Variants in SPTA1 observed in about 807,000 individuals in gnomAD.
SPTA1 encodes spectrin alpha chain, erythrocytic 1.
Under a neutral mutation model 324.7 loss-of-function variants are expected in SPTA1, and 177 were observed. The ratio of observed to expected loss-of-function variants is 0.55; its 90% CI spans 0.48 to 0.62. The LOEUF (loss-of-function observed/expected upper bound fraction) is 0.62, where lower values mean the gene tolerates loss of function less well. Ranked by LOEUF, SPTA1 falls within the 20% of genes least tolerant of loss-of-function variation. The probability of loss-of-function intolerance (pLI) is 0.00; values close to 1 mark genes in which losing one functional copy is unlikely to be tolerated. For synonymous variants in SPTA1, 1,195 were observed against 1,041.3 expected (o/e 1.15, Z -2.84); for missense variants, 3,162 against 2,883.6 (o/e 1.10, Z -2.21).
At chr1:158,632,939 C>T (rs964430040) in intron 39 of SPTA1, among the ~76,000 whole-genome samples, 2 of 152,176 alleles carry the variant, frequency 1.3e-5, no homozygotes, top group Non-Finnish European at 2.9e-5. Context: ...CTCCCCTCAA[C>T]AGGTGAGTGG....
Position 158,617,897 on chromosome 1 carries a change from G to A in SPTA1, c.6548+142C>T, listed in dbSNP as rs1049595911. 9.7e-6 allele frequency: 8 copies of A among 827,870 alleles called. No individual in the cohort carries two copies. In the Admixed American group the frequency reaches 1.7e-4, roughly 17 times the overall value. The allele number at this position is 827,870 out of a possible 1,614,324, so 51.3% of individuals were successfully genotyped here. On this transcript the variant is annotated intron_variant, in intron 46 of 51. Coordinates refer to ENST00000643759, the MANE Select transcript of SPTA1 (RefSeq NM_003126.4). The stretch of plus-strand genomic sequence containing the variant: ...ATAAGGGCAGAATGAAATATAATGA[G>A]CTTTTCCTTCTCACTCCACATTTTT...
At position 158,645,387 on chromosome 1, in the gene SPTA1, T is replaced by A. The variant is rs780402698; in HGVS notation, c.3997-2A>T. 1 of 1,613,922 alleles carries A rather than the reference T, an allele frequency of 6.2e-7. No homozygotes were observed. The highest frequency in any genetic ancestry group is 1.7e-5 in the Admixed American group (1 of 59,962). ...TGCCTCCATGTCAGCACGGTGCTCC[T>A]GTGGGAAAAAGGGGGAAGAAATCAG... On this transcript the variant is annotated splice_acceptor_variant, in intron 28 of 51. Coordinates refer to ENST00000643759, the MANE Select transcript of SPTA1 (RefSeq NM_003126.4). LOFTEE classifies it high-confidence loss of function.
At chr1:158,679,540 G>T (rs1654642769) in intron 5 of SPTA1, among the ~76,000 whole-genome samples, 1 of 152,042 alleles carries the variant, frequency 6.6e-6, no homozygotes, top group African/African-American at 2.4e-5. Flanking sequence ...ATGGTCTACT[G>T]CATGATGAGA....
intron 5 of SPTA1, 128 bp downstream of exon 5, chr1:158,680,455 C>G (rs928140220): frequency 1.5e-6 from 2 of 1,352,686 alleles, no homozygotes; most frequent in Non-Finnish European, 2.1e-6. Flanking sequence ...ATATGTTACT[C>G]CAGGAACATG....
rs529657919 is a variant in SPTA1, at chr1:158,627,020, G to C, written c.5665-13C>G. 1 of 1,613,474 alleles carries C rather than the reference G, an allele frequency of 6.2e-7. No homozygotes were observed. The highest frequency in any genetic ancestry group is 1.1e-5 in the South Asian group (1 of 91,064). On this transcript the variant is annotated splice_polypyrimidine_tract_variant and intron_variant, in intron 40 of 51. Coordinates refer to ENST00000643759, the MANE Select transcript of SPTA1 (RefSeq NM_003126.4). ...CCTCCTGCAACACCTGTGAGAAGGGGAGAGACAAATATATTTATAATGTGC... is the reference window on the plus strand; with the variant it reads ...CCTCCTGCAACACCTGTGAGAAGGGCAGAGACAAATATATTTATAATGTGC...
chr1:158,621,951 A>G (rs765419411), intron 43 of SPTA1, among the ~76,000 whole-genome samples: 12 of 152,122 alleles, frequency 7.9e-5, no homozygotes, highest in Non-Finnish European at 1.6e-4. Context: ...TGCAAGCTCC[A>G]TCTCCCGGGA....
intron 15 of SPTA1, 72 bp from the exon 16 acceptor site, chr1:158,666,569 T>C: frequency 9.1e-6 from 12 of 1,316,352 alleles, no homozygotes; most frequent in Non-Finnish European, 1.3e-5. Flanking sequence ...TATACCTTCC[T>C]CCAATTGAAG....
intron 18 of SPTA1, among the ~76,000 whole-genome samples, chr1:158,659,800 C>T (rs1444925961): frequency 1.3e-5 from 1 of 77,768 alleles, no homozygotes; most frequent in Non-Finnish European, 2.2e-5. Flanking sequence ...TTAGTAGAGA[C>T]GGGGTTTCAC....
Position 158,666,223 on chromosome 1 carries a change from T to C in SPTA1, c.2220+93A>G, listed in dbSNP as rs184841353. On this transcript the variant is annotated intron_variant, in intron 16 of 51. Transcript: ENST00000643759. The stretch of plus-strand genomic sequence containing the variant: ...TTGCTTATTATTACTTATTAAGTAA[T>C]TAATAAGTAATAATTACTTATTACT... 5.3e-4 allele frequency: 679 copies of C among 1,275,334 alleles called. 7 individuals are homozygous for C. Among genetic ancestry groups the C allele is most frequent in the Non-Finnish European group, 2.6e-5 (23 of 899,946 alleles). The allele number at this position is 1,275,334 out of a possible 1,614,324, so 79.0% of individuals were successfully genotyped here.
In SPTA1 at chr1:158,654,656, G is replaced by C; in HGVS notation, c.2991C>G (p.Thr997=). 6.2e-7 allele frequency: 1 copy of C among 1,613,922 alleles called. No homozygotes were observed. Among genetic ancestry groups the C allele is most frequent in the African/African-American group, 1.3e-5 (1 of 74,952 alleles). ...GCGTTAAGACATCACCTTTCTTCAT[G>C]GTGACTTCTCGGGGGCTGCGGGCCT... is the stretch of plus-strand genomic sequence containing the variant. ...DFQARSPREV[T]MKKGDVLTLL... is the part of the protein sequence containing the mutation. Residue 997 remains threonine, a synonymous_variant, in exon 21 of 52, where the codon ACC becomes ACG. Coordinates refer to ENST00000643759, the MANE Select transcript of SPTA1 (RefSeq NM_003126.4).
In SPTA1 at chr1:158,635,983, C is replaced by T. The variant is rs1409472027; in HGVS notation, c.5362G>A (p.Glu1788Lys). 3 of 1,614,072 alleles carry T rather than the reference C, an allele frequency of 1.9e-6. No homozygotes were observed. The highest frequency in any genetic ancestry group is 2.5e-6 in the Non-Finnish European group (3 of 1,180,032). ...TGAGCCAGCCGCAACTGGATCTCCT[C>T]TTGCCCCACAGCAGCCTTGTCTTTC... ...KLKDKAAVGQ[E>K]EIQLRLAQFV... Residue 1788 changes from glutamate to lysine, a missense_variant, in exon 38 of 52, where the codon GAG becomes AAG. By Grantham distance (56) the Glu-to-Lys change is moderately conservative (BLOSUM62 1). Transcript: ENST00000643759.
At chr1:158,669,250 A>G (rs1653827069) in intron 14 of SPTA1, among the ~76,000 whole-genome samples, 158 bp downstream of exon 14, 1 of 152,192 alleles carries the variant, frequency 6.6e-6, no homozygotes, top group South Asian at 2.1e-4. Context: ...CTGTATAAAT[A>G]GCCTTCAGGG....
At chr1:158,676,094 G>A (rs912975813) in intron 8 of SPTA1, 47 bp downstream of exon 8, 45 of 1,610,096 alleles carry the variant, frequency 2.8e-5, no homozygotes, top group Non-Finnish European at 3.7e-5. Context: ...TATTATATCT[G>A]GGCCCTGTAG....
intron 47 of SPTA1, among the ~76,000 whole-genome samples, chr1:158,616,943 C>G (rs1342060432): frequency 6.6e-6 from 1 of 152,008 alleles, no homozygotes; most frequent in African/African-American, 2.4e-5. Flanking sequence ...AGTGAGATGA[C>G]AGTCAAAACT....
In SPTA1 at chr1:158,627,741, T is replaced by G; in HGVS notation, c.5566-18A>C. 1 of 1,607,984 alleles carries G rather than the reference T, an allele frequency of 6.2e-7. No homozygotes were observed. The highest frequency in any genetic ancestry group is 8.5e-7 in the Non-Finnish European group (1 of 1,177,924). The stretch of plus-strand genomic sequence containing the variant: ...AGCAAGCTCTGCATAAATAAGTCGG[T>G]GAGAATTAAGATATCCAAAGCCGGA... On this transcript the variant is annotated intron_variant, in intron 39 of 51. Transcript: ENST00000643759.
intron 47 of SPTA1, among the ~76,000 whole-genome samples, chr1:158,616,402 A>T (rs963755527): frequency 1.3e-5 from 2 of 151,734 alleles, no homozygotes; most frequent in Admixed American, 6.6e-5. Flanking sequence ...TCATTCCTCT[A>T]TCTCCCCCTA....
chr1:158,652,510 T>C lies in SPTA1; in HGVS notation c.3332A>G (p.Asp1111Gly), dbSNP rs761088697. Residue 1111 changes from aspartate to glycine, a missense_variant, in exon 23 of 52, where the codon GAT (aspartate) becomes GGT (glycine). By Grantham distance (94) the Asp-to-Gly change is moderately conservative. Transcript: ENST00000643759. ...KKAENTGVELDDVWELQKKFD... is the reference protein window; with the variant it reads ...KKAENTGVELGDVWELQKKFD... ...CTTTTTCTGCAGCTCCCAAACATCA[T>C]CTAGTTCCACTCCAGTGTTTTCTGC... The C allele has an allele frequency of 7.7e-5, 125 of 1,614,070 alleles. No individual in the cohort carries two copies. Among genetic ancestry groups the C allele is most frequent in the Middle Eastern group, 1.6e-4 (1 of 6,084 alleles).
intron 17 of SPTA1, among the ~76,000 whole-genome samples, chr1:158,662,422 A>G (rs967318170): frequency 6.6e-6 from 1 of 152,220 alleles, no homozygotes. Flanking sequence ...GACTGTTCAA[A>G]GACCTTCACA....
chr1:158,677,561 G>A, intron 7 of SPTA1, 129 bp downstream of exon 7: 2 of 1,093,432 alleles, frequency 1.8e-6, no homozygotes, highest in Non-Finnish European at 2.7e-6. Context: ...GTATTCAAGT[G>A]CACACAATTT....
Sources: allele counts gnomAD v4.1 joint callset (sites outside exome capture counted in the v4.1 genomes callset), GRCh38; gene constraint gnomAD v4.1.1; transcripts MANE v1.5; gene names NCBI Gene and HGNC (gene_info 2026-07-23, HGNC 2026-07-21).